Variants in PTBP2 observed in about 807,000 individuals in gnomAD.
PTBP2 encodes the protein polypyrimidine tract-binding protein 2.
In PTBP2, 13 loss-of-function variants were observed where a neutral mutation model predicts 61.4. The observed-to-expected ratio is 0.21, with a 90% confidence interval of 0.14 to 0.34. PTBP2 has a LOEUF of 0.34. Among genes scored for constraint, PTBP2 ranks in the 10% least tolerant of loss-of-function variants. The pLI is 1.00. For synonymous variants in PTBP2, 215 were observed against 218.5 expected (o/e 0.98, Z 0.14); for missense variants, 405 against 642.6 (o/e 0.63, Z 4.00).
chr1:96,724,256 T>G (rs1471795062), intron 2 of PTBP2, among the ~76,000 whole-genome samples: 11 of 83,870 alleles, frequency 1.3e-4, no homozygotes, highest in African/African-American at 3.1e-4. Flanking sequence ...TTTTTTTTTG[T>G]TTTTTGTTTT....
intron 2 of PTBP2, among the ~76,000 whole-genome samples, chr1:96,736,447 A>G (rs955468373): frequency 1.3e-5 from 2 of 152,138 alleles, no homozygotes; most frequent in African/African-American, 2.4e-5. Flanking sequence ...ATGATCTAGT[A>G]TTGATTGGAG....
intron 8 of PTBP2, among the ~76,000 whole-genome samples, chr1:96,794,519 T>A (rs1375942809): frequency 6.6e-6 from 1 of 152,208 alleles, no homozygotes; most frequent in East Asian, 1.9e-4. Context: ...CTCAATTAAT[T>A]GCCATGAACA....
intron 2 of PTBP2, among the ~76,000 whole-genome samples, chr1:96,744,844 G>T (rs1330419004): frequency 1.3e-5 from 2 of 152,082 alleles, no homozygotes; most frequent in Non-Finnish European, 2.9e-5. Flanking sequence ...TGATAAAAAT[G>T]ATTATTATAA....
intron 5 of PTBP2, among the ~76,000 whole-genome samples, chr1:96,773,483 A>AT (rs1435500037): frequency 2.0e-5 from 3 of 152,074 alleles, no homozygotes; most frequent in Non-Finnish European, 2.9e-5. Context: ...CAGTGTTAGC[A>AT]TTTATGTTTA....
rs780970647 is a variant in PTBP2, at chr1:96,813,373, C to A, written c.1564C>A (p.Leu522Met). ...TTATAACCTTGGAGAAAACCATCAT[C>A]TGAGAGTGTCTTTCTCCAAGTCAAC... ...HNYNLGENHHLRVSFSKSTI is the reference protein window; with the variant it reads ...HNYNLGENHHMRVSFSKSTI Residue 522 changes from leucine to methionine, a missense_variant, in exon 14 of 14, where the codon CTG becomes ATG. Leu to Met is a conservative substitution (Grantham distance 15). Around this residue, in one of 4 missense-constraint regions of PTBP2, gnomAD observed 21 missense variants for 54.1 expected, o/e 0.39. Coordinates refer to ENST00000674951, the MANE Select transcript of PTBP2 (RefSeq NM_021190.4). 6.3e-7 allele frequency: 1 copy of A among 1,598,034 alleles called. No homozygotes were observed. The highest frequency in any genetic ancestry group is 1.1e-5 in the South Asian group (1 of 88,280).
intron 2 of PTBP2, among the ~76,000 whole-genome samples, chr1:96,742,685 T>C (rs2100862402): frequency 6.6e-6 from 1 of 151,226 alleles, no homozygotes; most frequent in Non-Finnish European, 1.5e-5. Flanking sequence ...TTTTTACTTT[T>C]AGAGTTCTCT....
chr1:96,782,335 A>G (rs528401898), intron 7 of PTBP2, among the ~76,000 whole-genome samples: 1 of 152,140 alleles, frequency 6.6e-6, no homozygotes, highest in South Asian at 2.1e-4. Flanking sequence ...GAGATAAAAC[A>G]TTTGCAGCAG....
chr1:96,819,726 G>A (rs1017415034), downstream of PTBP2: 2 of 148,988 alleles, frequency 1.3e-5, no homozygotes, highest in Non-Finnish European at 3.0e-5. Flanking sequence ...TTCCAGTTTT[G>A]TGTTGTTTTG....
At chr1:96,805,642 G>T (rs1661431921) in intron 9 of PTBP2, among the ~76,000 whole-genome samples, 1 of 152,042 alleles carries the variant, frequency 6.6e-6, no homozygotes, top group South Asian at 2.1e-4. Flanking sequence ...GAAGCTCAGT[G>T]TATCAGTTTA....
Position 96,793,635 on chromosome 1 carries a change from T to C in PTBP2, c.904+8381T>C, listed in dbSNP as rs184585220. Among the ~76,000 whole-genome samples, 493 of 152,312 alleles carry C rather than the reference T, an allele frequency of 3.2e-3. 1 individual carries two copies. The highest frequency in any genetic ancestry group is 6.3e-3 in the Admixed American group (97 of 15,304). ...ATCCGCCCACCTTGGTCTCCCAAAG[T>C]GCTGGGATTACAGTCATGAGCCACC... On this transcript the variant is annotated intron_variant, in intron 8 of 13. Transcript: ENST00000674951.
At chr1:96,763,977 G>A (rs911103116) in intron 3 of PTBP2, among the ~76,000 whole-genome samples, 22 of 152,192 alleles carry the variant, frequency 1.4e-4, no homozygotes, top group African/African-American at 5.3e-4. Context: ...GACGTTGGTA[G>A]ACAATGTTAC....
At chr1:96,768,588 T>C (rs1657016936) in intron 3 of PTBP2, among the ~76,000 whole-genome samples, 1 of 152,076 alleles carries the variant, frequency 6.6e-6, no homozygotes, top group African/African-American at 2.4e-5. Flanking sequence ...GTAGATATAC[T>C]GCAAGTCCTT....
In PTBP2 at chr1:96,814,882, T is replaced by C. The variant is rs1000093032; in HGVS notation, c.*1477T>C. The C allele has an allele frequency of 6.6e-6, 1 of 152,620 alleles. No homozygotes were observed. Among genetic ancestry groups the C allele is most frequent in the African/African-American group, 2.4e-5 (1 of 41,448 alleles). 9.5% of individuals were successfully genotyped at this position (152,620 alleles called of 1,614,324 possible). A position where few individuals can be genotyped will look rare whatever the true frequency, so the allele number is the denominator to read the frequency against. ...CTCAATAAACACTTCTGTAGCTCTA[T>C]ATTCACCTTTTCTGTCTTTCTCTGC... On this transcript the variant is annotated 3_prime_UTR_variant, in exon 14 of 14. Transcript: ENST00000674951.
At chr1:96,803,709 C>T (rs975205144) in intron 8 of PTBP2, among the ~76,000 whole-genome samples, 1 of 152,052 alleles carries the variant, frequency 6.6e-6, no homozygotes, top group Non-Finnish European at 1.5e-5. Context: ...CCAAAGGTAA[C>T]AGCAGATTCT....
intron 2 of PTBP2, among the ~76,000 whole-genome samples, chr1:96,727,568 GTT>G (rs1278858357): frequency 6.6e-6 from 1 of 151,954 alleles, no homozygotes; most frequent in Non-Finnish European, 1.5e-5. Context: ...GTTATCTTCT[GTT>G]TTTGATTATA....
intron 3 of PTBP2, among the ~76,000 whole-genome samples, chr1:96,767,164 A>T (rs1015026258): frequency 6.6e-6 from 1 of 152,132 alleles, no homozygotes; most frequent in Non-Finnish European, 1.5e-5. Context: ...GAAGTTTCCT[A>T]CGTTCTTTCT....
At chr1:96,777,971 ATT>A in intron 7 of PTBP2, 25 bp downstream of exon 7, 1 of 1,292,116 alleles carries the variant, frequency 7.7e-7, no homozygotes, top group Non-Finnish European at 1.1e-6. Flanking sequence ...TGAGATGGTG[ATT>A]TTTTTTTATT....
At chr1:96,769,293 A>G (rs371831818) in intron 3 of PTBP2, among the ~76,000 whole-genome samples, 7 of 152,144 alleles carry the variant, frequency 4.6e-5, no homozygotes, top group Admixed American at 1.3e-4. Flanking sequence ...GAAAAGGTAC[A>G]ATAAAAATAT....
rs1570773878 is a variant in PTBP2 at position 96,748,436 on chromosome 1, A to T, written c.40-2989A>T. Among the ~76,000 whole-genome samples the T allele has an allele frequency of 2.0e-5, 3 of 151,284 alleles. No individual in the cohort carries two copies. The South Asian group carries it at 6.2e-4, about 31-fold the overall frequency. ...CTTTAATCTGTACTTGCTTTTGCAC[A>T]TTTTTTTTTAAGTGGTTTCTTTCTC... On this transcript the variant is annotated intron_variant, in intron 2 of 13. Coordinates refer to ENST00000674951, the MANE Select transcript of PTBP2 (RefSeq NM_021190.4).
Sources: gnomAD v4.1 joint callset for allele counts (sites outside exome capture counted in the v4.1 genomes callset) on GRCh38, gnomAD v4.1.1 for gene constraint, gnomAD v4.1.1 regional missense constraint, MANE v1.5 for transcripts, NCBI Gene and HGNC (gene_info 2026-07-23, HGNC 2026-07-21) for gene names.